Variants in HOXD13 observed in about 807,000 individuals in gnomAD.
HOXD13 encodes the protein homeobox protein Hox-D13.
Under a neutral mutation model 27.3 loss-of-function variants are expected in HOXD13, and 16 were observed. The ratio of observed to expected loss-of-function variants is 0.59; its 90% CI spans 0.40 to 0.89. HOXD13 has a LOEUF of 0.89. Ranked by LOEUF, HOXD13 falls within the 40% of genes least tolerant of loss-of-function variation. HOXD13 has a pLI of 0.00. For synonymous variants in HOXD13, 241 were observed against 219.0 expected (o/e 1.10, Z -0.89); for missense variants, 481 against 482.6 (o/e 1.00, Z 0.03).
upstream of HOXD13, among the ~76,000 whole-genome samples, chr2:176,090,151 G>C (rs1689297959): frequency 1.3e-5 from 2 of 152,238 alleles, no homozygotes; most frequent in Non-Finnish European, 2.9e-5. Context: ...CAGAGGTGCT[G>C]GGCTTTGGAG....
At position 176,093,222 on chromosome 2, in the gene HOXD13, C is replaced by A. The variant is rs769412328; in HGVS notation, c.332C>A (p.Thr111Lys). 6.2e-7 allele frequency: 1 copy of A among 1,609,564 alleles called. No homozygotes were observed. The highest frequency in any genetic ancestry group is 8.5e-7 in the Non-Finnish European group (1 of 1,179,414). The change falls in exon 1 of 2, where the codon ACG (threonine) becomes AAG (lysine). Residue 111 changes from threonine to lysine, a missense_variant. Thr to Lys is a moderately conservative substitution (Grantham distance 78). Coordinates refer to ENST00000392539, the MANE Select transcript of HOXD13 (RefSeq NM_000523.4). ...CCAGCCAAAGAGTGCCCAGCACCCACGCCTGCAGCGGCCGCTGCAGCGCCC... is the reference window on the plus strand; with the variant it reads ...CCAGCCAAAGAGTGCCCAGCACCCAAGCCTGCAGCGGCCGCTGCAGCGCCC... The part of the protein sequence containing the change: ...APPAKECPAP[T>K]PAAAAAAPPS...
Position 176,093,073 on chromosome 2 carries a change from A to G in HOXD13, c.183A>G (p.Ala61=), listed in dbSNP as rs540457957. 20 of 1,377,668 alleles carry G rather than the reference A, an allele frequency of 1.5e-5. No homozygotes were observed. The highest frequency in any genetic ancestry group is 3.5e-5 in the South Asian group (2 of 57,648). 85.3% of individuals were successfully genotyped at this position (1,377,668 alleles called of 1,614,324 possible). The change falls in exon 1 of 2, where the codon GCA becomes GCG. Residue 61 remains alanine (A), a synonymous_variant. Transcript: ENST00000392539. The stretch of plus-strand genomic sequence containing the variant: ...ATTCGGGGCGGGCGGCGGCGGCGGC[A>G]GCGGCGGCTGCGGCGGCGGCGGCGG... ...GTHSGRAAAA[A]AAAAAAAAAA...
rs1224415649 is a variant in HOXD13, at chr2:176,094,618, G to A, written c.920G>A (p.Arg307Gln). Reference sequence around the variant, plus strand: ...AAATTCATTAACAAGGACAAGCGGCGGCGTATCTCGGCTGCTACGAACCTA... The same window carrying A: ...AAATTCATTAACAAGGACAAGCGGCAGCGTATCTCGGCTGCTACGAACCTA... ...INKFINKDKR[R>Q]RISAATNLSE... Residue 307 changes from arginine to glutamine, a missense_variant, in exon 2 of 2, where the codon CGG becomes CAG. Arg to Gln is a conservative substitution (Grantham distance 43). Coordinates refer to ENST00000392539, the MANE Select transcript of HOXD13 (RefSeq NM_000523.4). 4 of 1,613,932 alleles carry A rather than the reference G, an allele frequency of 2.5e-6. No homozygotes were observed. The highest frequency in any genetic ancestry group is 2.7e-5 in the African/African-American group (2 of 74,882).
chr2:176,088,396 C>A (rs1354336409), upstream of HOXD13, among the ~76,000 whole-genome samples: 1 of 152,224 alleles, frequency 6.6e-6, no homozygotes, highest in Non-Finnish European at 1.5e-5. Flanking sequence ...GGGATACTTT[C>A]TTCCTGGGCT....
intron 1 of HOXD13, among the ~76,000 whole-genome samples, chr2:176,094,124 G>A (rs1451427322): frequency 6.6e-6 from 1 of 152,130 alleles, no homozygotes; most frequent in East Asian, 1.9e-4. Context: ...ACCTGAGTTG[G>A]TATGTGTCTA....
chr2:176,088,796 C>T (rs956404473), upstream of HOXD13, among the ~76,000 whole-genome samples: 1 of 152,178 alleles, frequency 6.6e-6, no homozygotes, highest in Non-Finnish European at 1.5e-5. Context: ...GATAAAACTT[C>T]AGCAAATTAG....
Position 176,093,318 on chromosome 2 carries a change from G to C in HOXD13, c.428G>C (p.Gly143Ala), listed in dbSNP as rs1250153852. 2.5e-6 allele frequency: 4 copies of C among 1,612,918 alleles called. No individual in the cohort carries two copies. In the African/African-American group the frequency reaches 5.3e-5, roughly 22 times the overall value. Residue 143 changes from glycine (G) to alanine (A), a missense_variant, in exon 1 of 2, where the codon GGC becomes GCC. Coordinates refer to ENST00000392539, the MANE Select transcript of HOXD13 (RefSeq NM_000523.4). The stretch of plus-strand genomic sequence containing the variant: ...TACTACAGCTGCCGTATGTCGCACG[G>C]CGTGGGCTTACAGCAGAATGCGCTC... Reference protein sequence around the residue: ...NGYYSCRMSHGVGLQQNALKS... With the variant: ...NGYYSCRMSHAVGLQQNALKS...
At position 176,093,043 on chromosome 2, in the gene HOXD13, G is replaced by A; in HGVS notation, c.153G>A (p.Gly51=). Residue 51 remains glycine (G), a synonymous_variant, in exon 1 of 2, where the codon GGG becomes GGA. Transcript: ENST00000392539. ...RGFLSAPVFA[G]THSGRAAAAA... is the part of the protein sequence containing the mutation. ...TTCTCTCCGCGCCTGTGTTCGCCGG[G>A]ACGCATTCGGGGCGGGCGGCGGCGG... 7.2e-7 allele frequency: 1 copy of A among 1,383,064 alleles called. No homozygotes were observed. Among genetic ancestry groups the A allele is most frequent in the South Asian group, 1.7e-5 (1 of 57,876 alleles). 85.7% of individuals were successfully genotyped at this position (1,383,064 alleles called of 1,614,324 possible). A position where few individuals can be genotyped will look rare whatever the true frequency, so the allele number is the denominator to read the frequency against.
chr2:176,088,579 A>T (rs1406778523), upstream of HOXD13, among the ~76,000 whole-genome samples: 5 of 151,958 alleles, frequency 3.3e-5, no homozygotes, highest in African/African-American at 7.3e-5. Context: ...GTGCTTGGGC[A>T]CTTTCCTCAC....
chr2:176,093,058 GGCGGCGGCGGCGGCA>G lies in HOXD13; in HGVS notation c.177_191del (p.Ala67_Ala71del). ...TGTTCGCCGGGACGCATTCGGGGCG[GGCGGCGGCGGCGGCA>G]GCGGCGGCTGCGGCGGCGGCGGCGG... On this transcript the variant is annotated inframe_deletion, in exon 1 of 2. Transcript: ENST00000392539. The G allele has an allele frequency of 1.5e-6, 2 of 1,354,260 alleles. No individual in the cohort carries two copies. Among genetic ancestry groups the G allele is most frequent in the Non-Finnish European group, 1.9e-6 (2 of 1,062,500 alleles). 83.9% of individuals were successfully genotyped at this position (1,354,260 alleles called of 1,614,324 possible). A position where few individuals can be genotyped will look rare whatever the true frequency, so the allele number is the denominator to read the frequency against.
rs1432649792 is a variant in HOXD13 at position 176,095,042 on chromosome 2, G to GC, written c.*318dup. ...GACTTGAAGTATTTTTTAATAATCC[G>GC]CCCCCCAATGAACTTCAGAAGTGCC... On this transcript the variant is annotated 3_prime_UTR_variant, in exon 2 of 2. Transcript: ENST00000392539. The GC allele has an allele frequency of 2.1e-5, 8 of 376,254 alleles. No homozygotes were observed. The highest frequency in any genetic ancestry group is 2.9e-5 in the Non-Finnish European group (6 of 204,662). 23.3% of individuals were successfully genotyped at this position (376,254 alleles called of 1,614,324 possible). A position where few individuals can be genotyped will look rare whatever the true frequency, so the allele number is the denominator to read the frequency against.
Position 176,093,054 on chromosome 2 carries a change from G to A in HOXD13, c.164G>A (p.Gly55Glu), listed in dbSNP as rs1443225761. 4 of 1,373,954 alleles carry A rather than the reference G, an allele frequency of 2.9e-6. No homozygotes were observed. Among genetic ancestry groups the A allele is most frequent in the Non-Finnish European group, 3.7e-6 (4 of 1,074,674 alleles). 85.1% of individuals were successfully genotyped at this position (1,373,954 alleles called of 1,614,324 possible). A position where few individuals can be genotyped will look rare whatever the true frequency, so the allele number is the denominator to read the frequency against. ...CCTGTGTTCGCCGGGACGCATTCGG[G>A]GCGGGCGGCGGCGGCGGCAGCGGCG... ...SAPVFAGTHS[G>E]RAAAAAAAAA... is the part of the protein sequence containing the mutation. Residue 55 changes from glycine (G) to glutamate (E), a missense_variant, in exon 1 of 2, where the codon GGG (glycine) becomes GAG (glutamate). Transcript: ENST00000392539.
At chr2:176,094,351 G>C in intron 1 of HOXD13, 129 bp from the exon 2 acceptor site, 1 of 915,174 alleles carries the variant, frequency 1.1e-6, no homozygotes, top group Non-Finnish European at 1.8e-6. Context: ...AAACAGCATG[G>C]CATTTTTTAA....
rs770945263 is a variant in HOXD13, at chr2:176,093,296, T to C, written c.406T>C (p.Tyr136His). The C allele has an allele frequency of 6.2e-7, 1 of 1,611,332 alleles. No homozygotes were observed. The highest frequency in any genetic ancestry group is 1.1e-5 in the South Asian group (1 of 91,060). Reference protein sequence around the residue: ...GYGYHFGNGYYSCRMSHGVGL... With the variant: ...GYGYHFGNGYHSCRMSHGVGL... ...CGGCTACCACTTCGGCAACGGCTAC[T>C]ACAGCTGCCGTATGTCGCACGGCGT... The change falls in exon 1 of 2, where the codon TAC becomes CAC. Residue 136 changes from tyrosine to histidine, a missense_variant. By Grantham distance (83) the Tyr-to-His change is moderately conservative. Transcript: ENST00000392539.
chr2:176,095,080 G>C lies in HOXD13; in HGVS notation c.*350G>C, dbSNP rs1689393058. On this transcript the variant is annotated 3_prime_UTR_variant, in exon 2 of 2. Coordinates refer to ENST00000392539, the MANE Select transcript of HOXD13 (RefSeq NM_000523.4). ...CTTCAGAAGTGCCATTCTGATTTAA[G>C]GGTTTTTTTAAAAAATTACTTTATT... 2.8e-6 allele frequency: 1 copy of C among 351,652 alleles called. No homozygotes were observed. The highest frequency in any genetic ancestry group is 5.3e-6 in the Non-Finnish European group (1 of 189,802). 21.8% of individuals were successfully genotyped at this position (351,652 alleles called of 1,614,324 possible).
At position 176,092,953 on chromosome 2, in the gene HOXD13, C is replaced by A; in HGVS notation, c.63C>A (p.Gly21=). ...GLRADGGGAG[G]APASSSSSSV... is the part of the protein sequence containing the mutation. ...GGGCAGACGGCGGGGGCGCCGGTGGCGCCCCGGCCTCTTCCTCCTCCTCAT... is the reference window on the plus strand; with the variant it reads ...GGGCAGACGGCGGGGGCGCCGGTGGAGCCCCGGCCTCTTCCTCCTCCTCAT... The change falls in exon 1 of 2, where the codon GGC becomes GGA. Residue 21 remains glycine (G), a synonymous_variant. Coordinates refer to ENST00000392539, the MANE Select transcript of HOXD13 (RefSeq NM_000523.4). 7.5e-7 allele frequency: 1 copy of A among 1,326,880 alleles called. No homozygotes were observed. Among genetic ancestry groups the A allele is most frequent in the Non-Finnish European group, 9.6e-7 (1 of 1,042,160 alleles). The allele number at this position is 1,326,880 out of a possible 1,614,324, so 82.2% of individuals were successfully genotyped here.
chr2:176,091,774 A>G (rs847197), upstream of HOXD13, among the ~76,000 whole-genome samples: 152,218 of 152,220 alleles, frequency 1, 76,108 homozygotes, highest in Non-Finnish European at 1. Context: ...TTGGTGTGAG[A>G]AACGGGCGGG....
Position 176,092,941 on chromosome 2 carries a change from G to A in HOXD13, c.51G>A (p.Gly17=). The A allele has an allele frequency of 2.3e-6, 3 of 1,330,238 alleles. No individual in the cohort carries two copies. The highest frequency in any genetic ancestry group is 2.0e-5 in the South Asian group (1 of 50,734). The allele number at this position is 1,330,238 out of a possible 1,614,324, so 82.4% of individuals were successfully genotyped here. The change falls in exon 1 of 2, where the codon GGG becomes GGA. Residue 17 remains glycine (G), a synonymous_variant. Coordinates refer to ENST00000392539, the MANE Select transcript of HOXD13 (RefSeq NM_000523.4). ...TGGACGGGCTGCGGGCAGACGGCGG[G>A]GGCGCCGGTGGCGCCCCGGCCTCTT... is the stretch of plus-strand genomic sequence containing the variant. ...WDMDGLRADG[G]GAGGAPASSS...
rs761192563 is a variant in HOXD13, at chr2:176,093,612, A to G, written c.722A>G (p.Gln241Arg). 5 of 1,613,458 alleles carry G rather than the reference A, an allele frequency of 3.1e-6. No individual in the cohort carries two copies. In the South Asian group the frequency reaches 4.4e-5, roughly 14 times the overall value. ...ACGCTGGCTAACGGGTGGAACAGCC[A>G]GGTGTACTGCACCAAGGACCAGCCA... ...SWTLANGWNS[Q>R]VYCTKDQPQG... is the part of the protein sequence containing the mutation. The change falls in exon 1 of 2, where the codon CAG (glutamine) becomes CGG (arginine). Residue 241 changes from glutamine to arginine, a missense_variant. By Grantham distance (43) the Gln-to-Arg change is conservative. Coordinates refer to ENST00000392539, the MANE Select transcript of HOXD13 (RefSeq NM_000523.4).
Sources: allele counts gnomAD v4.1 joint callset (sites outside exome capture counted in the v4.1 genomes callset), GRCh38; gene constraint gnomAD v4.1.1; transcripts MANE v1.5; gene names NCBI Gene and HGNC (gene_info 2026-07-23, HGNC 2026-07-21).